Variants in ZNF493 observed in about 807,000 individuals in gnomAD.
ZNF493 encodes the protein zinc finger protein 493.
Under a neutral mutation model 12.2 loss-of-function variants are expected in ZNF493, and 11 were observed. That is an observed-to-expected ratio of 0.90 (90% CI 0.57 to 1.50). The LOEUF (loss-of-function observed/expected upper bound fraction) is 1.50, where lower values mean the gene tolerates loss of function less well. Ranked by LOEUF, ZNF493 falls within the 40% of genes most tolerant of loss-of-function variation. The probability of loss-of-function intolerance (pLI) is 0.00; values close to 1 mark genes in which losing one functional copy is unlikely to be tolerated. For missense variants in ZNF493, 950 were observed against 906.6 expected, an observed-to-expected ratio of 1.05 and a Z score of -0.61; for synonymous variants, 286 against 302.6, an observed-to-expected ratio of 0.95 and a Z score of 0.57.
At position 21,424,579 on chromosome 19, in the gene ZNF493, G is replaced by T. The variant is rs567450642; in HGVS notation, c.1920G>T (p.Arg640=). ...KCEECGKAFK[R]SSHLAGHKQI... is the part of the protein sequence containing the mutation. ...AAGAATGTGGCAAAGCTTTTAAGCG[G>T]TCCTCACACCTCGCTGGGCACAAGC... The change falls in exon 4 of 4, where the codon CGG becomes CGT. Residue 640 remains arginine (R), a synonymous_variant. Coordinates refer to ENST00000392288, the MANE Select transcript of ZNF493 (RefSeq NM_001076678.3). 4 of 1,600,916 alleles carry T rather than the reference G, an allele frequency of 2.5e-6. No homozygotes were observed. The South Asian group carries it at 3.3e-5, about 13-fold the overall frequency.
intron 3 of ZNF493, among the ~76,000 whole-genome samples, chr19:21,406,389 G>C (rs1016486173): frequency 3.3e-5 from 5 of 150,798 alleles, no homozygotes; most frequent in Admixed American, 6.6e-5. Context: ...GCCATCTTCT[G>C]TCTTATGCTT....
intron 3 of ZNF493, chr19:21,408,607 A>C (rs2030215328): frequency 2.0e-6 from 2 of 985,100 alleles, no homozygotes; most frequent in Admixed American, 1.2e-4. Flanking sequence ...TTAATGTTGC[A>C]TACCAAATTG....
intron 2 of ZNF493, 29 bp downstream of exon 2, chr19:21,405,284 T>C: frequency 2.5e-6 from 4 of 1,598,920 alleles, no homozygotes; most frequent in Non-Finnish European, 3.4e-6. Context: ...CAAAATCCCT[T>C]ATATACCCTA....
Position 21,405,088 on chromosome 19 carries a change from ATGTGTGTGTG to A in ZNF493, c.31-29_31-20del, listed in dbSNP as rs35143973. Reference sequence around the variant, plus strand: ...AATGATAAATTTTGCCCACGTGTAAATGTGTGTGTGTGTGTGTGTGTTTGTGTGTGTTTGT... The same window carrying A: ...AATGATAAATTTTGCCCACGTGTAAATGTGTGTGTGTTTGTGTGTGTTTGT... On this transcript the variant is annotated intron_variant, in intron 1 of 3. Coordinates refer to ENST00000392288, the MANE Select transcript of ZNF493 (RefSeq NM_001076678.3). 23 of 1,423,696 alleles carry A rather than the reference ATGTGTGTGTG, an allele frequency of 1.6e-5. No homozygotes were observed. The South Asian group carries it at 2.3e-4, about 14-fold the overall frequency. The allele number at this position is 1,423,696 out of a possible 1,614,324, so 88.2% of individuals were successfully genotyped here. A position where few individuals can be genotyped will look rare whatever the true frequency, so the allele number is the denominator to read the frequency against.
At chr19:21,399,604 A>G (rs1974228903) in intron 1 of ZNF493, among the ~76,000 whole-genome samples, 1 of 151,950 alleles carries the variant, frequency 6.6e-6, no homozygotes, top group Non-Finnish European at 1.5e-5. Flanking sequence ...TACAAAGGGC[A>G]TAAAAGATTT....
rs572127415 is a variant in ZNF493, at chr19:21,423,235, C to T, written c.576C>T (p.Cys192=). Reference sequence around the variant, plus strand: ...GTAAAAAATGTGGCAAATCATTTTGCATGCTTTTACACCTATGTCAGCATA... The same window carrying T: ...GTAAAAAATGTGGCAAATCATTTTGTATGCTTTTACACCTATGTCAGCATA... The part of the protein sequence containing the change: ...FKCKKCGKSF[C]MLLHLCQHKR... Residue 192 remains cysteine, a synonymous_variant, in exon 4 of 4, where the codon TGC becomes TGT. Transcript: ENST00000392288. The T allele has an allele frequency of 2.4e-5, 38 of 1,613,750 alleles. No individual in the cohort carries two copies. In the South Asian group the frequency reaches 4.0e-4, roughly 17 times the overall value.
rs1020469893 is a variant in ZNF493, at chr19:21,424,047, G to A, written c.1388G>A (p.Cys463Tyr). Residue 463 changes from cysteine to tyrosine, a missense_variant, in exon 4 of 4, where the codon TGT becomes TAT. Physicochemically the swap from Cys to Tyr is radical, Grantham distance 194 (BLOSUM62 -2). Transcript: ENST00000392288. ...CATACAGAAGAGAAACCCTACAAAT[G>A]TGAAGAATGTGGCAAAGCTTTTAAA... ...IIHTEEKPYK[C>Y]EECGKAFKRS... 5.6e-6 allele frequency: 9 copies of A among 1,613,462 alleles called. No individual in the cohort carries two copies. The highest frequency in any genetic ancestry group is 1.3e-5 in the African/African-American group (1 of 74,882).
intron 1 of ZNF493, among the ~76,000 whole-genome samples, chr19:21,401,827 G>C (rs1407075037): frequency 6.6e-6 from 1 of 151,936 alleles, no homozygotes; most frequent in Admixed American, 6.6e-5. Context: ...GTTTCACCAT[G>C]TTGGCCAGGC....
At chr19:21,420,600 T>TATATATATATATATATATAA in intron 3 of ZNF493, among the ~76,000 whole-genome samples, 1 of 11,448 alleles carries the variant, frequency 8.7e-5, no homozygotes, top group African/African-American at 5.5e-4. Flanking sequence ...ATTATATATA[T>TATATATATATATATATATAA]ATATATATAT....
At chr19:21,413,768 A>G (rs2030398983) in intron 3 of ZNF493, 1 of 280,464 alleles carries the variant, frequency 3.6e-6, no homozygotes, top group Admixed American at 5.2e-5. Flanking sequence ...TCTCCACCAA[A>G]TCAGTTGTTC....
intron 3 of ZNF493, among the ~76,000 whole-genome samples, chr19:21,420,448 A>G: frequency 6.7e-6 from 1 of 149,960 alleles, no homozygotes. Flanking sequence ...GAGTCTTGTT[A>G]TTTACATTGG....
chr19:21,411,407 A>G (rs903653664), intron 3 of ZNF493, among the ~76,000 whole-genome samples: 1 of 152,096 alleles, frequency 6.6e-6, no homozygotes, highest in African/African-American at 2.4e-5. Flanking sequence ...TGCTAGTTAT[A>G]GTTTATAATC....
intron 3 of ZNF493, chr19:21,408,884 T>TA: frequency 1.0e-5 from 7 of 677,690 alleles, no homozygotes; most frequent in Non-Finnish European, 1.1e-5. Context: ...TTTCTTTCTT[T>TA]TTTTTTTTTT....
intron 1 of ZNF493, 186 bp downstream of exon 1, chr19:21,397,453 C>A: frequency 1.4e-6 from 1 of 712,848 alleles, no homozygotes; most frequent in Non-Finnish European, 2.5e-6. Context: ...ACAGCCGGGG[C>A]CCCGGGCGTC....
intron 3 of ZNF493, among the ~76,000 whole-genome samples, chr19:21,406,552 T>G (rs1372064156): frequency 6.6e-6 from 1 of 152,202 alleles, no homozygotes; most frequent in Non-Finnish European, 1.5e-5. Context: ...TCTGCATGAT[T>G]TTGAGAAACT....
intron 1 of ZNF493, among the ~76,000 whole-genome samples, chr19:21,402,270 G>A (rs930170965): frequency 5.3e-5 from 8 of 152,144 alleles, no homozygotes; most frequent in African/African-American, 1.9e-4. Flanking sequence ...CCTGGCCCTG[G>A]CCAGCTATTT....
chr19:21,407,181 C>G (rs980675426), intron 3 of ZNF493, among the ~76,000 whole-genome samples: 2 of 152,132 alleles, frequency 1.3e-5, no homozygotes, highest in Non-Finnish European at 2.9e-5. Flanking sequence ...AACCCCGTCT[C>G]TACTGAAAAT....
rs146722104 is a variant in ZNF493, at chr19:21,415,219, C to T, written c.254-7694C>T. Among the ~76,000 whole-genome samples, 1,472 of 152,216 alleles carry T rather than the reference C, an allele frequency of 9.7e-3. 8 individuals carry two copies. The highest frequency in any genetic ancestry group is 0.024 in the Middle Eastern group (7 of 292). On this transcript the variant is annotated intron_variant, in intron 3 of 3. Transcript: ENST00000392288. ...ATCTAGAGTCTTCTCTGGGTCTATTCTATTTATTTGAGCTTTATGGACTTG... is the reference window on the plus strand; with the variant it reads ...ATCTAGAGTCTTCTCTGGGTCTATTTTATTTATTTGAGCTTTATGGACTTG...
chr19:21,400,950 C>G (rs982271651), intron 1 of ZNF493, among the ~76,000 whole-genome samples: 4 of 152,194 alleles, frequency 2.6e-5, no homozygotes, highest in African/African-American at 9.7e-5. Flanking sequence ...TTTTATTTCT[C>G]TCTCTTCCCT....
Sources: gnomAD v4.1 joint callset for allele counts (sites outside exome capture counted in the v4.1 genomes callset) on GRCh38, gnomAD v4.1.1 for gene constraint, MANE v1.5 for transcripts, NCBI Gene and HGNC (gene_info 2026-07-23, HGNC 2026-07-21) for gene names.